The following EPHA5 variants were observed in gnomAD, a reference collection of about 807,000 sequenced individuals.
EPHA5 encodes EPH receptor A5, also known as ephrin type-A receptor 5.
Under a neutral mutation model 105.0 loss-of-function variants are expected in EPHA5, and 60 were observed. That is an observed-to-expected ratio of 0.57 (90% CI 0.46 to 0.71). EPHA5 has a LOEUF of 0.71. EPHA5 is among the 30% of genes least tolerant of loss of function. The probability of loss-of-function intolerance (pLI) is 0.00; values close to 1 mark genes in which losing one functional copy is unlikely to be tolerated. For synonymous variants in EPHA5, 513 were observed against 449.1 expected, an observed-to-expected ratio of 1.14 and a Z score of -1.80; for missense variants, 1,218 against 1,274.7, an observed-to-expected ratio of 0.96 and a Z score of 0.68.
At chr4:65,465,537 GAA>G (rs1365937814) in intron 5 of EPHA5, among the ~76,000 whole-genome samples, 26 of 64,262 alleles carry the variant, frequency 4.0e-4, no homozygotes, top group African/African-American at 1.6e-3. Flanking sequence ...GAAAAGAAAG[GAA>G]AGGAAGGAAA....
chr4:65,408,835 A>G (rs1249791225), intron 7 of EPHA5, among the ~76,000 whole-genome samples: 2 of 151,944 alleles, frequency 1.3e-5, no homozygotes, highest in Non-Finnish European at 2.9e-5. Context: ...CCATCCCATT[A>G]CTGGGTATAT....
chr4:65,414,572 T>C (rs1044120097), intron 6 of EPHA5, 129 bp from the exon 7 acceptor site: 95 of 1,012,098 alleles, frequency 9.4e-5, no homozygotes, highest in Middle Eastern at 7.9e-4. Flanking sequence ...TATAACATTT[T>C]AGAAAAAAAT....
chr4:65,540,994 AT>A lies in EPHA5; in HGVS notation c.911-45452del, dbSNP rs566192273. Among the ~76,000 whole-genome samples the A allele has an allele frequency of 2.2e-3, 331 of 151,522 alleles. 1 individual carries two copies. The highest frequency in any genetic ancestry group is 3.6e-3 in the Non-Finnish European group (246 of 67,580). On this transcript the variant is annotated intron_variant, in intron 3 of 16. Coordinates refer to ENST00000613740, the MANE Select transcript of EPHA5 (RefSeq NM_001281766.3). ...AAGATGATCTGAACCTCTGACAATG[AT>A]GAAAATACAACCATAATATCTCTCT...
intron 3 of EPHA5, among the ~76,000 whole-genome samples, chr4:65,558,909 G>T (rs1738735498): frequency 6.6e-6 from 1 of 152,054 alleles, no homozygotes; most frequent in African/African-American, 2.4e-5. Context: ...ATTATTTTAA[G>T]ACAGTGATTT....
At chr4:65,647,493 T>G (rs1370295536) in intron 1 of EPHA5, among the ~76,000 whole-genome samples, 2 of 152,214 alleles carry the variant, frequency 1.3e-5, no homozygotes, top group East Asian at 1.9e-4. Flanking sequence ...AGTAATTAAA[T>G]TGTTCTGAAC....
At chr4:65,536,793 G>T (rs1012863310) in intron 3 of EPHA5, among the ~76,000 whole-genome samples, 2 of 150,856 alleles carry the variant, frequency 1.3e-5, no homozygotes, top group African/African-American at 2.4e-5. Flanking sequence ...GGTTTGGGAA[G>T]AATAAAATTA....
chr4:65,611,316 T>C (rs1449210271), intron 2 of EPHA5, among the ~76,000 whole-genome samples: 1 of 152,156 alleles, frequency 6.6e-6, no homozygotes, highest in Non-Finnish European at 1.5e-5. Flanking sequence ...ATTGGTACTC[T>C]TTAATATAAA....
chr4:65,399,818 T>A (rs897482017), intron 8 of EPHA5, among the ~76,000 whole-genome samples: 6 of 151,828 alleles, frequency 4.0e-5, no homozygotes, highest in African/African-American at 1.5e-4. Flanking sequence ...AGAAACATAG[T>A]ATTAAAAAAT....
chr4:65,606,891 C>T (rs1744280419), intron 2 of EPHA5, among the ~76,000 whole-genome samples: 1 of 152,132 alleles, frequency 6.6e-6, no homozygotes, highest in Non-Finnish European at 1.5e-5. Flanking sequence ...TGCAGCTTTA[C>T]TCTGACATGA....
intron 7 of EPHA5, among the ~76,000 whole-genome samples, chr4:65,408,075 C>G (rs927908850): frequency 2.0e-5 from 3 of 152,034 alleles, no homozygotes; most frequent in African/African-American, 4.8e-5. Context: ...TGAGCTATTT[C>G]TAATAAGAAA....
chr4:65,574,016 T>C (rs1336220349), intron 3 of EPHA5: 14 of 1,600,130 alleles, frequency 8.7e-6, no homozygotes, highest in Non-Finnish European at 1.2e-5. Flanking sequence ...ATCGAGTTCC[T>C]CTATGAAGAA....
intron 5 of EPHA5, among the ~76,000 whole-genome samples, chr4:65,454,158 T>A (rs1031924212): frequency 6.6e-6 from 1 of 152,078 alleles, no homozygotes; most frequent in Non-Finnish European, 1.5e-5. Flanking sequence ...CGCATGCCTG[T>A]AATCTCAGCT....
chr4:65,402,824 G>A (rs779334258), intron 8 of EPHA5, among the ~76,000 whole-genome samples: 28 of 152,120 alleles, frequency 1.8e-4, no homozygotes, highest in Non-Finnish European at 1.3e-4. Context: ...AGTAGTTACA[G>A]TTCTTGCAAC....
At chr4:65,538,245 C>T (rs1403730547) in intron 3 of EPHA5, among the ~76,000 whole-genome samples, 1 of 151,736 alleles carries the variant, frequency 6.6e-6, no homozygotes, top group African/African-American at 2.4e-5. Context: ...AGCATCAAAA[C>T]TTTTGTCACT....
intron 5 of EPHA5, among the ~76,000 whole-genome samples, chr4:65,446,960 C>T (rs1726594983): frequency 6.8e-6 from 1 of 147,780 alleles, no homozygotes; most frequent in Middle Eastern, 3.6e-3. Context: ...ACCATGTCTG[C>T]GTTTTTAAAA....
At chr4:65,452,041 G>T (rs990227798) in intron 5 of EPHA5, among the ~76,000 whole-genome samples, 1 of 152,172 alleles carries the variant, frequency 6.6e-6, no homozygotes, top group Admixed American at 6.5e-5. Context: ...AGTTTGGGCA[G>T]GTGGGGAAAT....
At chr4:65,566,994 A>G (rs1287453476) in intron 3 of EPHA5, among the ~76,000 whole-genome samples, 1 of 151,626 alleles carries the variant, frequency 6.6e-6, no homozygotes, top group Non-Finnish European at 1.5e-5. Flanking sequence ...AAAGAACTAT[A>G]CACTATCTGA....
chr4:65,357,643 T>C (rs1723431343), intron 11 of EPHA5, among the ~76,000 whole-genome samples: 1 of 151,366 alleles, frequency 6.6e-6, no homozygotes, highest in Non-Finnish European at 1.5e-5. Context: ...AAGCAGAAAG[T>C]AGAAAGGTAG....
chr4:65,648,946 C>A (rs1346901938), intron 1 of EPHA5, among the ~76,000 whole-genome samples: 1 of 152,164 alleles, frequency 6.6e-6, no homozygotes, highest in African/African-American at 2.4e-5. Context: ...GTGTTTCCCA[C>A]TGGAAAACTA....
Sources: allele counts gnomAD v4.1 joint callset (sites outside exome capture counted in the v4.1 genomes callset), GRCh38; gene constraint gnomAD v4.1.1; transcripts MANE v1.5; gene names NCBI Gene and HGNC (gene_info 2026-07-23, HGNC 2026-07-21).